ENOX1: variants seen among roughly 807,000 people sequenced by gnomAD.
The protein encoded by ENOX1 is candidate growth-related and time keeping constitutive hydroquinone (NADH) oxidase.
In ENOX1, 42 loss-of-function variants were observed where a neutral mutation model predicts 82.5. That is an observed-to-expected ratio of 0.51 (90% CI 0.40 to 0.66). The LOEUF (loss-of-function observed/expected upper bound fraction) is 0.66. Among genes scored for constraint, ENOX1 ranks in the 30% least tolerant of loss-of-function variants. ENOX1 has a pLI of 0.00. For missense variants in ENOX1, 608 were observed against 811.6 expected (o/e 0.75, Z 3.05); for synonymous variants, 271 against 282.2 (o/e 0.96, Z 0.40).
chr13:43,652,338 G>A (rs1482499914), intron 2 of ENOX1, among the ~76,000 whole-genome samples: 1 of 152,144 alleles, frequency 6.6e-6, no homozygotes, highest in East Asian at 1.9e-4. Flanking sequence ...CCTAACTTAA[G>A]TTTTGAGTCA....
intron 1 of ENOX1, among the ~76,000 whole-genome samples, chr13:43,754,205 GTA>G (rs567078470): frequency 5.7e-4 from 82 of 143,174 alleles, no homozygotes; most frequent in Middle Eastern, 3.8e-3. Context: ...ATATGTATAT[GTA>G]TATATGTGTG....
intron 5 of ENOX1, among the ~76,000 whole-genome samples, chr13:43,364,746 A>G (rs2050740461): frequency 6.6e-6 from 1 of 152,212 alleles, no homozygotes. Context: ...CAGGATCTGG[A>G]GTTACAGAGG....
chr13:43,472,354 A>T (rs1411830596), intron 3 of ENOX1, among the ~76,000 whole-genome samples: 1 of 152,228 alleles, frequency 6.6e-6, no homozygotes, highest in Non-Finnish European at 1.5e-5. Context: ...GAAAAAAATC[A>T]GATTCACCGT....
At chr13:43,488,161 T>G (rs1438726184) in intron 2 of ENOX1, among the ~76,000 whole-genome samples, 5 of 152,168 alleles carry the variant, frequency 3.3e-5, no homozygotes, top group African/African-American at 7.2e-5. Context: ...GAGAGTTCTA[T>G]GGTTGAAATG....
chr13:43,446,786 A>G (rs1436674077), intron 3 of ENOX1, among the ~76,000 whole-genome samples: 1 of 152,168 alleles, frequency 6.6e-6, no homozygotes, highest in Non-Finnish European at 1.5e-5. Context: ...TCCCTCATCC[A>G]ACAATCCCAT....
chr13:43,654,684 C>T (rs535689078), intron 2 of ENOX1, among the ~76,000 whole-genome samples: 1 of 152,266 alleles, frequency 6.6e-6, no homozygotes, highest in Admixed American at 6.5e-5. Context: ...CCATAGTCAA[C>T]CCTAAGACAA....
chr13:43,456,625 G>T (rs571036610), intron 3 of ENOX1, among the ~76,000 whole-genome samples: 1 of 152,114 alleles, frequency 6.6e-6, no homozygotes, highest in Non-Finnish European at 1.5e-5. Flanking sequence ...GAATAGTCCA[G>T]GAGGGTTTCA....
At chr13:43,493,510 T>A (rs1275854117) in intron 2 of ENOX1, among the ~76,000 whole-genome samples, 2 of 152,220 alleles carry the variant, frequency 1.3e-5, no homozygotes, top group Non-Finnish European at 2.9e-5. Flanking sequence ...GAAAAGGCCA[T>A]CCTGGCTCCC....
At chr13:43,576,366 C>T (rs1213213226) in intron 2 of ENOX1, among the ~76,000 whole-genome samples, 3 of 152,190 alleles carry the variant, frequency 2.0e-5, no homozygotes, top group African/African-American at 7.2e-5. Flanking sequence ...AATTAGATTC[C>T]CTATAGTATA....
intron 3 of ENOX1, among the ~76,000 whole-genome samples, chr13:43,477,745 G>A (rs2058346744): frequency 6.6e-6 from 1 of 152,022 alleles, no homozygotes; most frequent in Non-Finnish European, 1.5e-5. Flanking sequence ...GAGGTTTAAG[G>A]GACACAGTTA....
intron 4 of ENOX1, 78 bp from the exon 5 acceptor site, chr13:43,412,131 T>C (rs557713387): frequency 2.0e-6 from 3 of 1,537,464 alleles, no homozygotes; most frequent in East Asian, 4.6e-5. Context: ...TTTCTAGATA[T>C]GTGAGGCTTC....
intron 2 of ENOX1, among the ~76,000 whole-genome samples, chr13:43,491,893 A>C (rs2076631667): frequency 6.6e-6 from 1 of 152,232 alleles, no homozygotes; most frequent in Non-Finnish European, 1.5e-5. Flanking sequence ...TAAGTTATTC[A>C]CCAGAAATAT....
chr13:43,593,696 A>T, intron 2 of ENOX1, among the ~76,000 whole-genome samples: 1 of 142,354 alleles, frequency 7.0e-6, no homozygotes, highest in African/African-American at 2.7e-5. Context: ...ACACACACAC[A>T]CACACACACA....
intron 1 of ENOX1, among the ~76,000 whole-genome samples, chr13:43,697,187 T>C (rs1273558517): frequency 6.6e-6 from 1 of 151,952 alleles, no homozygotes; most frequent in Non-Finnish European, 1.5e-5. Flanking sequence ...TAGACATAGA[T>C]TGGGTTTAAG....
intron 1 of ENOX1, among the ~76,000 whole-genome samples, chr13:43,778,017 T>C (rs1476123343): frequency 1.3e-5 from 2 of 152,230 alleles, no homozygotes; most frequent in African/African-American, 2.4e-5. Flanking sequence ...CAAAGCCCAG[T>C]AAGCTCTTTG....
In ENOX1 at chr13:43,586,779, A is replaced by G. The variant is rs114695792; in HGVS notation, c.-219+80700T>C. 9.0e-3 allele frequency among the ~76,000 whole-genome samples: 1,373 copies of G among 152,266 alleles called. 27 individuals are homozygous for G. Among genetic ancestry groups the G allele is most frequent in the African/African-American group, 0.032 (1,310 of 41,558 alleles). On this transcript the variant is annotated intron_variant, in intron 2 of 16. Coordinates refer to ENST00000690772, the MANE Select transcript of ENOX1 (RefSeq NM_001347969.2). Reference sequence around the variant, plus strand: ...AGTGAGCAGGTGCAAGATTTAAGAAATAGTAAAAGAGGCGGTGGCTCACGC... The same window carrying G: ...AGTGAGCAGGTGCAAGATTTAAGAAGTAGTAAAAGAGGCGGTGGCTCACGC...
At chr13:43,743,789 T>C (rs1404900673) in intron 1 of ENOX1, among the ~76,000 whole-genome samples, 2 of 152,188 alleles carry the variant, frequency 1.3e-5, no homozygotes, top group Non-Finnish European at 2.9e-5. Context: ...TACTTAAGAT[T>C]GTGTAATTTA....
At chr13:43,710,047 T>A (rs938664828) in intron 1 of ENOX1, among the ~76,000 whole-genome samples, 1 of 151,938 alleles carries the variant, frequency 6.6e-6, no homozygotes, top group African/African-American at 2.4e-5. Context: ...CAAAACCTAA[T>A]AAGGACAATG....
chr13:43,343,894 T>A (rs1421535679), intron 9 of ENOX1, among the ~76,000 whole-genome samples: 1 of 152,098 alleles, frequency 6.6e-6, no homozygotes, highest in African/African-American at 2.4e-5. Context: ...AATAGAGCCC[T>A]GGGTAATTAC....
Sources: gnomAD v4.1 joint callset for allele counts (sites outside exome capture counted in the v4.1 genomes callset) on GRCh38, gnomAD v4.1.1 for gene constraint, MANE v1.5 for transcripts, NCBI Gene and HGNC (gene_info 2026-07-23, HGNC 2026-07-21) for gene names.